The following DUSP22 variants were observed in gnomAD, a reference collection of about 807,000 sequenced individuals.
DUSP22 encodes dual specificity protein phosphatase 22.
DUSP22 carries 24 observed loss-of-function variants against 24.5 expected under a neutral mutation model. The observed-to-expected ratio is 0.98, with a 90% CI of 0.71 to 1.38. The LOEUF (loss-of-function observed/expected upper bound fraction) is 1.38. Ranked by LOEUF, DUSP22 falls within the 40% of genes most tolerant of loss-of-function variation. DUSP22 has a pLI of 0.00. For synonymous variants in DUSP22, 160 were observed against 106.4 expected, an observed-to-expected ratio of 1.50 and a Z score of -3.10; for missense variants, 330 against 269.2, an observed-to-expected ratio of 1.23 and a Z score of -1.58.
intron 3 of DUSP22, among the ~76,000 whole-genome samples, chr6:322,270 A>G (rs1409076201): frequency 6.6e-6 from 1 of 152,306 alleles, no homozygotes; most frequent in African/African-American, 2.4e-5. Flanking sequence ...TCTTGCTTTT[A>G]TGTGGTGTTA....
At chr6:329,325 T>C (rs367965975) in intron 3 of DUSP22, among the ~76,000 whole-genome samples, 1,084 of 152,002 alleles carry the variant, frequency 7.1e-3, no homozygotes, top group African/African-American at 0.025. Context: ...TGAGGAGTTA[T>C]TACTTAATAG....
chr6:349,803 T>C lies in DUSP22; in HGVS notation c.*852T>C. 2 of 985,958 alleles carry C rather than the reference T, an allele frequency of 2.0e-6. No individual in the cohort carries two copies. Among genetic ancestry groups the C allele is most frequent in the Non-Finnish European group, 2.4e-6 (2 of 830,272 alleles). 61.1% of individuals were successfully genotyped at this position (985,958 alleles called of 1,614,324 possible). A position where few individuals can be genotyped will look rare whatever the true frequency, so the allele number is the denominator to read the frequency against. On this transcript the variant is annotated 3_prime_UTR_variant, in exon 7 of 7. Coordinates refer to ENST00000419235, the MANE Select transcript of DUSP22 (RefSeq NM_001286555.3). ...ATCGAGCCCTGAGTTCTACTTGGTG[T>C]TTGTTCTCTGGAGCTGATTGCACTT...
chr6:348,177 A>C lies in DUSP22; in HGVS notation c.338A>C (p.Asp113Ala). 6.2e-7 allele frequency: 1 copy of C among 1,614,298 alleles called. No individual in the cohort carries two copies. The highest frequency in any genetic ancestry group is 1.3e-5 in the African/African-American group (1 of 75,084). ...ACCGTCACTGACTTTGGCTGGGAGG[A>C]TGCCCTGCACACCGTGCGTGCTGGG... Reference protein sequence around the residue: ...IMTVTDFGWEDALHTVRAGRS... With the variant: ...IMTVTDFGWEAALHTVRAGRS... The change falls in exon 6 of 7, where the codon GAT (aspartate) becomes GCT (alanine). Residue 113 changes from aspartate to alanine, a missense_variant. Asp to Ala is a moderately radical substitution (Grantham distance 126). Coordinates refer to ENST00000419235, the MANE Select transcript of DUSP22 (RefSeq NM_001286555.3).
chr6:299,893 C>T (rs867336745), intron 1 of DUSP22, among the ~76,000 whole-genome samples: 102 of 152,384 alleles, frequency 6.7e-4, no homozygotes, highest in Middle Eastern at 6.8e-3. Context: ...TATCAGGCTT[C>T]ACTCATCATC....
intron 3 of DUSP22, among the ~76,000 whole-genome samples, chr6:330,661 G>A (rs1267341659): frequency 6.6e-6 from 1 of 152,302 alleles, no homozygotes; most frequent in Non-Finnish European, 1.5e-5. Context: ...AAACTGAAAA[G>A]TATTTAGAAC....
At chr6:347,679 A>G (rs911600282) in intron 5 of DUSP22, among the ~76,000 whole-genome samples, 1 of 152,306 alleles carries the variant, frequency 6.6e-6, no homozygotes, top group African/African-American at 2.4e-5. Context: ...TAGCTGAGAA[A>G]ACTCGACTTT....
chr6:304,632 T>C lies in DUSP22; in HGVS notation c.26T>C (p.Leu9Pro). 1 of 1,614,250 alleles carries C rather than the reference T, an allele frequency of 6.2e-7. No individual in the cohort carries two copies. The change falls in exon 2 of 7, where the codon CTG (leucine) becomes CCG (proline). Residue 9 changes from leucine to proline, a missense_variant. By Grantham distance (98) the Leu-to-Pro change is moderately conservative. Transcript: ENST00000419235. ...CTGTGTCTGTCTCTCTCCTAGATCC[T>C]GCCCGGCCTGTACATCGGCAACTTC... MGNGMNKILPGLYIGNFKD... is the reference protein window; with the variant it reads MGNGMNKIPPGLYIGNFKD...
intron 3 of DUSP22, among the ~76,000 whole-genome samples, chr6:323,079 A>C (rs1312182685): frequency 6.6e-6 from 1 of 152,310 alleles, no homozygotes; most frequent in African/African-American, 2.4e-5. Context: ...CCTGCAAGGG[A>C]AGTGCTCCAA....
intron 3 of DUSP22, among the ~76,000 whole-genome samples, chr6:322,885 G>C (rs1229537399): frequency 1.3e-5 from 2 of 152,236 alleles, no homozygotes; most frequent in Admixed American, 1.3e-4. Context: ...GGAAGTTAAA[G>C]GGGGTAGGTT....
intron 1 of DUSP22, among the ~76,000 whole-genome samples, 160 bp downstream of exon 1, chr6:292,720 C>T (rs2127385326): frequency 6.6e-6 from 1 of 152,388 alleles, no homozygotes; most frequent in Admixed American, 6.5e-5. Flanking sequence ...ACCGCGGAGT[C>T]GGGGTTCGGA....
rs1421737449 is a variant in DUSP22 at position 347,845 on chromosome 6, G to C, written c.264-258G>C. 2.0e-5 allele frequency among the ~76,000 whole-genome samples: 3 copies of C among 152,306 alleles called. No individual in the cohort carries two copies. In the South Asian group the frequency reaches 6.2e-4, roughly 31 times the overall value. On this transcript the variant is annotated intron_variant, in intron 5 of 6. Coordinates refer to ENST00000419235, the MANE Select transcript of DUSP22 (RefSeq NM_001286555.3). Reference sequence around the variant, plus strand: ...GGGCTGAGGAGCAAGGGAGCATCTGGAGCCACAGCCCATAGAAAACCAATA... The same window carrying C: ...GGGCTGAGGAGCAAGGGAGCATCTGCAGCCACAGCCCATAGAAAACCAATA...
At position 348,696 on chromosome 6, in the gene DUSP22, A is replaced by G; in HGVS notation, c.436-73A>G. 5.6e-6 allele frequency: 9 copies of G among 1,594,644 alleles called. No homozygotes were observed. In the South Asian group the frequency reaches 1.0e-4, roughly 18 times the overall value. ...GTGGCACCATCTCTGTGGTGAAGTC[A>G]CAGGTGCAAGCCCACGTGGATGCAG... On this transcript the variant is annotated intron_variant, in intron 6 of 6. Coordinates refer to ENST00000419235, the MANE Select transcript of DUSP22 (RefSeq NM_001286555.3).
intron 1 of DUSP22, among the ~76,000 whole-genome samples, chr6:295,630 AC>A (rs1270872463): frequency 2.0e-5 from 3 of 150,626 alleles, no homozygotes; most frequent in African/African-American, 7.5e-5. Context: ...CAAAAAAAAA[AC>A]CCACAAAAAC....
intron 3 of DUSP22, among the ~76,000 whole-genome samples, chr6:315,485 C>G (rs921873150): frequency 1.3e-5 from 2 of 152,308 alleles, no homozygotes; most frequent in Admixed American, 6.5e-5. Flanking sequence ...CCAGCATGCC[C>G]CACTGCCTCT....
rs1038433337 is a variant in DUSP22, at chr6:349,795, A to T, written c.*844A>T. The T allele has an allele frequency of 1.0e-6, 1 of 985,864 alleles. No homozygotes were observed. The highest frequency in any genetic ancestry group is 1.7e-5 in the African/African-American group (1 of 57,284). 61.1% of individuals were successfully genotyped at this position (985,864 alleles called of 1,614,324 possible). ...TTCAGCCCATCGAGCCCTGAGTTCT[A>T]CTTGGTGTTTGTTCTCTGGAGCTGA... On this transcript the variant is annotated 3_prime_UTR_variant, in exon 7 of 7. Coordinates refer to ENST00000419235, the MANE Select transcript of DUSP22 (RefSeq NM_001286555.3).
chr6:330,137 C>G (rs1198054936), intron 3 of DUSP22, among the ~76,000 whole-genome samples: 1 of 152,308 alleles, frequency 6.6e-6, no homozygotes, highest in East Asian at 1.9e-4. Context: ...GGAGGACCCC[C>G]CTGGGCTCAC....
At chr6:299,704 T>TC (rs1374387455) in intron 1 of DUSP22, among the ~76,000 whole-genome samples, 1 of 152,308 alleles carries the variant, frequency 6.6e-6, no homozygotes, top group Non-Finnish European at 1.5e-5. Context: ...AAAATACTCA[T>TC]CTTCAATTCC....
intron 3 of DUSP22, among the ~76,000 whole-genome samples, chr6:321,448 C>T (rs1460198052): frequency 3.3e-5 from 5 of 152,298 alleles, no homozygotes; most frequent in African/African-American, 7.2e-5. Context: ...AGTTGGGTAC[C>T]CCAGAGACCC....
At chr6:322,662 A>T (rs1758651041) in intron 3 of DUSP22, among the ~76,000 whole-genome samples, 1 of 152,308 alleles carries the variant, frequency 6.6e-6, no homozygotes, top group Non-Finnish European at 1.5e-5. Flanking sequence ...ACAACCAAGG[A>T]GAATATCCGT....
Sources: allele counts gnomAD v4.1 joint callset (sites outside exome capture counted in the v4.1 genomes callset), GRCh38; gene constraint gnomAD v4.1.1; transcripts MANE v1.5; gene names NCBI Gene and HGNC (gene_info 2026-07-23, HGNC 2026-07-21).